SEPTIN6: variants seen among roughly 807,000 people sequenced by gnomAD.
The protein encoded by SEPTIN6 is septin-6.
Under a neutral mutation model 33.6 loss-of-function variants are expected in SEPTIN6, and 8 were observed. The ratio of observed to expected loss-of-function variants is 0.24; its 90% CI spans 0.14 to 0.43. The LOEUF is 0.43. SEPTIN6 is among the 20% of genes least tolerant of loss of function. The probability of loss-of-function intolerance (pLI) is 1.00; values close to 1 mark genes in which losing one functional copy is unlikely to be tolerated. For synonymous variants in SEPTIN6, 131 were observed against 140.0 expected (o/e 0.94, Z 0.45); for missense variants, 250 against 340.8 (o/e 0.73, Z 2.10).
intron 5 of SEPTIN6, among the ~76,000 whole-genome samples, chrX:119,648,712 A>G (rs2054305758): frequency 9.0e-6 from 1 of 111,374 alleles, no homozygotes; most frequent in African/African-American, 3.3e-5. Context: ...TTGTTGGCCA[A>G]TTCATAGGAG....
intron 5 of SEPTIN6, among the ~76,000 whole-genome samples, chrX:119,644,993 C>T (rs1464210971): frequency 9.4e-6 from 1 of 106,061 alleles, no homozygotes; most frequent in Non-Finnish European, 1.9e-5. Flanking sequence ...CTGCAACCTC[C>T]GCCTCCCGGG....
intron 4 of SEPTIN6, among the ~76,000 whole-genome samples, chrX:119,651,876 G>C (rs1158553903): frequency 3.6e-5 from 4 of 111,686 alleles, no homozygotes; most frequent in Admixed American, 9.5e-5. Context: ...ATTCTGATGA[G>C]AGCTGAAATT....
At chrX:119,663,780 T>C (rs1185875384) in intron 2 of SEPTIN6, 103 bp from the exon 3 acceptor site, 2 of 661,283 alleles carry the variant, frequency 3.0e-6, no homozygotes, top group South Asian at 3.3e-5. Flanking sequence ...AAAATGAACA[T>C]GATAAAACAT....
At chrX:119,627,882 C>T (rs951125009) in intron 9 of SEPTIN6, among the ~76,000 whole-genome samples, 11 of 102,472 alleles carry the variant, frequency 1.1e-4, no homozygotes, top group Non-Finnish European at 1.4e-4. Flanking sequence ...TCACTGCAAC[C>T]TCTGCCTCCT....
chrX:119,650,945 C>T lies in SEPTIN6; in HGVS notation c.529-847G>A, dbSNP rs758518924. Among the ~76,000 whole-genome samples, 8 of 112,001 alleles carry T rather than the reference C, an allele frequency of 7.1e-5. No individual in the cohort carries two copies. In the South Asian group the frequency reaches 3.0e-3, roughly 42 times the overall value. ...CAACCAAAAGTTCAATCCACCTGAA[C>T]CCTAATCCTTGAAATTCCTCCAAGA... On this transcript the variant is annotated intron_variant, in intron 4 of 10. Coordinates refer to ENST00000394610, the MANE Select transcript of SEPTIN6 (RefSeq NM_145799.4).
chrX:119,679,441 T>C lies in SEPTIN6; in HGVS notation c.31-3773A>G, dbSNP rs765509462. On this transcript the variant is annotated intron_variant, in intron 1 of 10. Transcript: ENST00000394610. Reference sequence around the variant, plus strand: ...AGGAGCAGGAAGACATAGGAGGAGATGACTCCAATAATGTTGAGCCAGCAG... The same window carrying C: ...AGGAGCAGGAAGACATAGGAGGAGACGACTCCAATAATGTTGAGCCAGCAG... 6.3e-5 allele frequency among the ~76,000 whole-genome samples: 7 copies of C among 111,419 alleles called. No homozygotes were observed. In the South Asian group the frequency reaches 1.5e-3, roughly 24 times the overall value.
intron 8 of SEPTIN6, 90 bp from the exon 9 acceptor site, chrX:119,629,598 T>A: frequency 1.2e-6 from 1 of 833,998 alleles, no homozygotes; most frequent in Non-Finnish European, 1.7e-6. Context: ...CCAGTAGGGC[T>A]GTGACCCTGC....
chrX:119,624,454 C>T (rs976293125), intron 10 of SEPTIN6, among the ~76,000 whole-genome samples: 5 of 111,106 alleles, frequency 4.5e-5, no homozygotes, highest in Non-Finnish European at 7.5e-5. Context: ...AGATTACAGG[C>T]GTGAGCCACT....
chrX:119,617,468 G>A lies in SEPTIN6; in HGVS notation c.*2625C>T. The A allele has an allele frequency of 1.2e-6, 1 of 804,480 alleles. No homozygotes were observed. Among genetic ancestry groups the A allele is most frequent in the Non-Finnish European group, 1.5e-6 (1 of 670,148 alleles). 66.3% of individuals were successfully genotyped at this position (804,480 alleles called of 1,213,427 possible). A position where few individuals can be genotyped will look rare whatever the true frequency, so the allele number is the denominator to read the frequency against. ...TGTTACACACAGTCTCCTGGACCCC[G>A]TTCCAGCCTTGCAGCATCACTGGGT... is the stretch of plus-strand genomic sequence containing the variant. On this transcript the variant is annotated 3_prime_UTR_variant, in exon 11 of 11. Coordinates refer to ENST00000394610, the MANE Select transcript of SEPTIN6 (RefSeq NM_145799.4).
intron 10 of SEPTIN6, chrX:119,624,193 G>C (rs1223444842): frequency 4.0e-5 from 7 of 172,965 alleles, no homozygotes; most frequent in African/African-American, 1.8e-4. Context: ...TTGTTTTTTT[G>C]AGACGGAGTT....
chrX:119,616,109 G>A (rs1488581903), downstream of SEPTIN6: 4 of 188,459 alleles, frequency 2.1e-5, no homozygotes, highest in Admixed American at 1.4e-4. Flanking sequence ...AACTGGTCTC[G>A]GAAGGTGGAA....
At chrX:119,648,088 C>G (rs1289835205) in intron 5 of SEPTIN6, among the ~76,000 whole-genome samples, 1 of 109,352 alleles carries the variant, frequency 9.1e-6, no homozygotes, top group Non-Finnish European at 1.9e-5. Flanking sequence ...TAACAGCATG[C>G]TTGACAACTG....
Position 119,619,305 on chromosome X carries a change from A to AT in SEPTIN6, c.*787dup, listed in dbSNP as rs2053711181. The stretch of plus-strand genomic sequence containing the variant: ...ACAAGAAGAATTCGGTAAGGCTATC[A>AT]TTCAAGACTCTAGGCTGGTAATAAT... On this transcript the variant is annotated 3_prime_UTR_variant, in exon 11 of 11. Coordinates refer to ENST00000394610, the MANE Select transcript of SEPTIN6 (RefSeq NM_145799.4). The AT allele has an allele frequency of 2.5e-6, 2 of 814,963 alleles. No individual in the cohort carries two copies. Among genetic ancestry groups the AT allele is most frequent in the East Asian group, 6.6e-5 (1 of 15,165 alleles). The allele number at this position is 814,963 out of a possible 1,213,427, so 67.2% of individuals were successfully genotyped here. A position where few individuals can be genotyped will look rare whatever the true frequency, so the allele number is the denominator to read the frequency against.
At position 119,663,559 on chromosome X, in the gene SEPTIN6, G is replaced by A; in HGVS notation, c.264C>T (p.Leu88=). 1 of 1,206,756 alleles carries A rather than the reference G, an allele frequency of 8.3e-7. No individual in the cohort carries two copies. The highest frequency in any genetic ancestry group is 2.2e-5 in the Admixed American group (1 of 45,366). ...GVQLQSNTYD[L]QESNVRLKLT... ...GCTTTAGCCTCACGTTGCTCTCTTG[G>A]AGGTCATAGGTATTAGACTGGAGCT... The change falls in exon 3 of 11, where the codon CTC becomes CTT. Residue 88 remains leucine (L), a synonymous_variant. Transcript: ENST00000394610.
At chrX:119,672,142 A>G (rs2054760229) in intron 2 of SEPTIN6, among the ~76,000 whole-genome samples, 1 of 111,782 alleles carries the variant, frequency 8.9e-6, no homozygotes, top group Non-Finnish European at 1.9e-5. Flanking sequence ...GGCCTATCCA[A>G]TGGTTGCACC....
chrX:119,681,081 G>A (rs771415922), intron 1 of SEPTIN6, among the ~76,000 whole-genome samples: 1 of 111,138 alleles, frequency 9.0e-6, no homozygotes, highest in African/African-American at 3.3e-5. Flanking sequence ...AAGATGTCAA[G>A]GTCATCATTA....
chrX:119,654,693 G>A (rs2054409517), intron 3 of SEPTIN6, among the ~76,000 whole-genome samples: 2 of 111,738 alleles, frequency 1.8e-5, no homozygotes, highest in South Asian at 7.4e-4. Context: ...GAGCCCCAGA[G>A]AAAAATCTTT....
chrX:119,661,486 G>A (rs1219649300), intron 3 of SEPTIN6, among the ~76,000 whole-genome samples: 1 of 112,126 alleles, frequency 8.9e-6, no homozygotes, highest in Non-Finnish European at 1.9e-5. Flanking sequence ...TTATAAGGAA[G>A]TGAGTGTGGC....
chrX:119,643,397 GA>G (rs369455842), intron 5 of SEPTIN6, among the ~76,000 whole-genome samples: 18 of 104,454 alleles, frequency 1.7e-4, no homozygotes, highest in South Asian at 4.2e-4. Context: ...TGAGCTCGAG[GA>G]AAAAAAAAAC....
Sources: gnomAD v4.1 joint callset for allele counts (sites outside exome capture counted in the v4.1 genomes callset) on GRCh38, gnomAD v4.1.1 for gene constraint, MANE v1.5 for transcripts, NCBI Gene and HGNC (gene_info 2026-07-23, HGNC 2026-07-21) for gene names.